BCR: variants seen among roughly 807,000 people sequenced by gnomAD.
BCR encodes the protein BCR activator of RhoGEF and GTPase.
Under a neutral mutation model 138.6 loss-of-function variants are expected in BCR, and 58 were observed. The observed-to-expected ratio is 0.42, with a 90% CI of 0.34 to 0.52. The LOEUF is 0.52. BCR is among the 20% of genes least tolerant of loss of function. The pLI, the probability that BCR is intolerant of heterozygous loss-of-function variation, is 0.06. For missense variants in BCR, 1,599 were observed against 1,727.2 expected (o/e 0.93, Z 1.32); for synonymous variants, 786 against 730.1 (o/e 1.08, Z -1.23).
chr22:23,253,535 C>T (rs953594135), intron 1 of BCR, among the ~76,000 whole-genome samples: 5 of 152,226 alleles, frequency 3.3e-5, no homozygotes. Flanking sequence ...ATCAAATATA[C>T]ATTTCTTAAG....
intron 4 of BCR, chr22:23,264,264 C>T: frequency 1.1e-6 from 1 of 927,720 alleles, no homozygotes; most frequent in Admixed American, 1.7e-5. Flanking sequence ...GTCGACCCGC[C>T]TCGGCAGCCC....
chr22:23,275,516 G>A (rs368876798), intron 8 of BCR, among the ~76,000 whole-genome samples: 4 of 152,380 alleles, frequency 2.6e-5, no homozygotes, highest in East Asian at 3.9e-4. Context: ...CAGTGGAGGC[G>A]TTGAGCAGTG....
chr22:23,273,496 C>A, intron 7 of BCR, 138 bp from the exon 8 acceptor site: 2 of 1,190,794 alleles, frequency 1.7e-6, no homozygotes, highest in Admixed American at 2.0e-5. Context: ...AAAGCTGGGG[C>A]CCAAGTGAGA....
At chr22:23,291,357 T>C (rs992441316) in intron 14 of BCR, among the ~76,000 whole-genome samples, 4 of 151,604 alleles carry the variant, frequency 2.6e-5, no homozygotes, top group African/African-American at 9.8e-5. Flanking sequence ...GTGAAAAGAC[T>C]GTGGTGCTGT....
chr22:23,181,444 C>T lies in BCR; in HGVS notation c.484C>T (p.Arg162Cys), dbSNP rs1347819383. The T allele has an allele frequency of 1.3e-6, 2 of 1,598,852 alleles. No homozygotes were observed. Among genetic ancestry groups the T allele is most frequent in the Admixed American group, 3.4e-5 (2 of 59,302 alleles). ...GCTCAGGTCCAACTTCGAGCGGATC[C>T]GCAAGGGCCATGGCCAGCCCGGGGC... Reference protein sequence around the residue: ...AALRSNFERIRKGHGQPGADA... With the variant: ...AALRSNFERICKGHGQPGADA... The change falls in exon 1 of 23, where the codon CGC becomes TGC. Residue 162 changes from arginine (R) to cysteine (C), a missense_variant. Around this residue, in one of 4 missense-constraint regions of BCR, gnomAD observed 806 missense variants for 635.0 expected, o/e 1.27. Transcript: ENST00000305877.
rs1011461546 is a variant in BCR, at chr22:23,293,700, G to T, written c.2880+1062G>T. Among the ~76,000 whole-genome samples the T allele has an allele frequency of 3.3e-5, 5 of 151,478 alleles. 1 individual carries two copies. Among genetic ancestry groups the T allele is most frequent in the Admixed American group, 1.3e-4 (2 of 15,250 alleles). ...CAGGCAGCCACGGAAGCTCCGGGGA[G>T]GCATGAAGACATGAGGGTTAGATTG... On this transcript the variant is annotated intron_variant, in intron 15 of 22. Coordinates refer to ENST00000305877, the MANE Select transcript of BCR (RefSeq NM_004327.4).
At chr22:23,206,352 A>G (rs556996034) in intron 1 of BCR, among the ~76,000 whole-genome samples, 2 of 152,290 alleles carry the variant, frequency 1.3e-5, no homozygotes, top group Admixed American at 6.5e-5. Flanking sequence ...AGGTGGGCGG[A>G]TCACGAGGTC....
chr22:23,282,592 C>T (rs1381231083), intron 8 of BCR, among the ~76,000 whole-genome samples: 2 of 152,208 alleles, frequency 1.3e-5, no homozygotes, highest in South Asian at 2.1e-4. Context: ...TCAGAGAGAC[C>T]GAGGCTCCCC....
chr22:23,276,422 A>G (rs867494477), intron 8 of BCR, among the ~76,000 whole-genome samples: 5 of 140,694 alleles, frequency 3.6e-5, no homozygotes, highest in Admixed American at 1.4e-4. Context: ...AAAAAAAAAA[A>G]GGGCTGGTTG....
At chr22:23,282,015 G>A (rs534604541) in intron 8 of BCR, among the ~76,000 whole-genome samples, 9 of 152,314 alleles carry the variant, frequency 5.9e-5, no homozygotes, top group Admixed American at 5.9e-4. Flanking sequence ...TGGTGATGGC[G>A]AGAAGCTCAC....
At chr22:23,289,204 A>T (rs1306819261) in intron 12 of BCR, among the ~76,000 whole-genome samples, 1 of 152,222 alleles carries the variant, frequency 6.6e-6, no homozygotes, top group African/African-American at 2.4e-5. Flanking sequence ...GAGACCTCAC[A>T]GGGAGGTGCT....
rs780645381 is a variant in BCR, at chr22:23,181,399, C to G, written c.439C>G (p.Pro147Ala). The stretch of plus-strand genomic sequence containing the variant: ...GTCGGGGGAACGGGACGACCGGGGA[C>G]CCCCCGCCAGCGTGGCGGCGCTCAG... ...AASGERDDRG[P>A]PASVAALRSN... Residue 147 changes from proline (P) to alanine (A), a missense_variant, in exon 1 of 23, where the codon CCC becomes GCC. Around this residue, in one of 4 missense-constraint regions of BCR, gnomAD observed 806 missense variants for 635.0 expected, o/e 1.27. Coordinates refer to ENST00000305877, the MANE Select transcript of BCR (RefSeq NM_004327.4). 6.4e-7 allele frequency: 1 copy of G among 1,560,430 alleles called. No individual in the cohort carries two copies. The highest frequency in any genetic ancestry group is 8.7e-7 in the Non-Finnish European group (1 of 1,153,576).
In BCR at chr22:23,242,822, G is replaced by T. The variant is rs200405954; in HGVS notation, c.1280-10977G>T. The T allele has an allele frequency of 1.1e-4, 48 of 455,056 alleles. No individual in the cohort carries two copies. In the East Asian group the frequency reaches 3.1e-3, roughly 29 times the overall value. The allele number at this position is 455,056 out of a possible 1,614,324, so 28.2% of individuals were successfully genotyped here. On this transcript the variant is annotated intron_variant, in intron 1 of 22. Transcript: ENST00000305877. ...CAAACATTTATTCTCTCCCAGTTCT[G>T]AAGACTGAAGTCCCACATCAAGGTG... is the stretch of plus-strand genomic sequence containing the variant.
At chr22:23,292,126 G>A (rs113069547) in intron 14 of BCR, among the ~76,000 whole-genome samples, 20 of 152,314 alleles carry the variant, frequency 1.3e-4, no homozygotes, top group African/African-American at 4.6e-4. Context: ...CCATAGTACA[G>A]CGGGGTCTGC....
chr22:23,197,034 A>G (rs1459792990), intron 1 of BCR, among the ~76,000 whole-genome samples: 1 of 152,204 alleles, frequency 6.6e-6, no homozygotes, highest in Non-Finnish European at 1.5e-5. Context: ...CTTCCTGTAC[A>G]CTTTAAATCA....
chr22:23,278,539 C>T (rs1166579145), intron 8 of BCR, among the ~76,000 whole-genome samples: 1 of 152,142 alleles, frequency 6.6e-6, no homozygotes, highest in African/African-American at 2.4e-5. Flanking sequence ...CCAGCCTGGC[C>T]AACATGGTGA....
intron 1 of BCR, among the ~76,000 whole-genome samples, chr22:23,216,079 G>A (rs998312222): frequency 2.0e-5 from 3 of 152,182 alleles, no homozygotes; most frequent in Admixed American, 6.5e-5. Flanking sequence ...CTGTGGGCAC[G>A]TTTTATGGAT....
chr22:23,241,622 C>G (rs1364193964), intron 1 of BCR, among the ~76,000 whole-genome samples: 1 of 152,152 alleles, frequency 6.6e-6, no homozygotes, highest in African/African-American at 2.4e-5. Flanking sequence ...GTCTATACCT[C>G]AGGGACTAGA....
intron 2 of BCR, among the ~76,000 whole-genome samples, chr22:23,258,241 C>T (rs879662885): frequency 6.7e-6 from 1 of 149,424 alleles, no homozygotes; most frequent in Admixed American, 6.7e-5. Context: ...TTAGGAGATT[C>T]CCAGGGCAAA....
Sources: allele counts gnomAD v4.1 joint callset (sites outside exome capture counted in the v4.1 genomes callset), GRCh38; gene constraint gnomAD v4.1.1; regional missense constraint gnomAD v4.1.1; transcripts MANE v1.5; gene names NCBI Gene and HGNC (gene_info 2026-07-23, HGNC 2026-07-21).